Variants in SEMA3C observed in about 807,000 individuals in gnomAD.
SEMA3C encodes semaphorin-3C.
A neutral mutation model predicts 89.4 loss-of-function variants in SEMA3C; 47 were observed. The observed-to-expected ratio is 0.53, with a 90% CI of 0.42 to 0.67. The LOEUF (loss-of-function observed/expected upper bound fraction) is 0.67, where lower values mean the gene tolerates loss of function less well. Ranked by LOEUF, SEMA3C falls within the 30% of genes least tolerant of loss-of-function variation. The pLI, the probability that SEMA3C is intolerant of heterozygous loss-of-function variation, is 0.00. For synonymous variants in SEMA3C, 310 were observed against 320.2 expected (o/e 0.97, Z 0.34); for missense variants, 839 against 929.1 (o/e 0.90, Z 1.26).
At chr7:80,838,327 A>G (rs1433776130) in intron 2 of SEMA3C, among the ~76,000 whole-genome samples, 1 of 152,176 alleles carries the variant, frequency 6.6e-6, no homozygotes. Flanking sequence ...AACCAGAATA[A>G]TCTCTAATGT....
At chr7:80,855,296 T>G (rs1465495635) in intron 2 of SEMA3C, among the ~76,000 whole-genome samples, 1 of 152,048 alleles carries the variant, frequency 6.6e-6, no homozygotes, top group Non-Finnish European at 1.5e-5. Context: ...TTATTGTCAT[T>G]TTATTATTAT....
intron 2 of SEMA3C, among the ~76,000 whole-genome samples, chr7:80,851,427 C>T (rs983579543): frequency 1.5e-4 from 22 of 146,704 alleles, no homozygotes; most frequent in African/African-American, 5.4e-4. Context: ...TTGCTTGAAC[C>T]TGGGAAGCGG....
intron 5 of SEMA3C, among the ~76,000 whole-genome samples, chr7:80,813,349 G>A (rs1361457757): frequency 6.6e-6 from 1 of 152,072 alleles, no homozygotes; most frequent in African/African-American, 2.4e-5. Flanking sequence ...ATGTACAGTG[G>A]CCTTTCAAAG....
intron 11 of SEMA3C, chr7:80,793,440 C>T (rs1342716590): frequency 6.8e-6 from 3 of 441,416 alleles, no homozygotes; most frequent in Non-Finnish European, 9.0e-6. Flanking sequence ...CTTTGATGTG[C>T]CCAGTAGGGG....
intron 2 of SEMA3C, among the ~76,000 whole-genome samples, chr7:80,848,913 T>C (rs1052600320): frequency 1.3e-5 from 2 of 152,164 alleles, no homozygotes; most frequent in African/African-American, 4.8e-5. Flanking sequence ...AAATTCTTTT[T>C]CTCACTTTGG....
At chr7:80,807,793 T>C (rs1164943386) in intron 6 of SEMA3C, among the ~76,000 whole-genome samples, 1 of 152,174 alleles carries the variant, frequency 6.6e-6, no homozygotes, top group African/African-American at 2.4e-5. Context: ...TCTTAAGCAA[T>C]CTGTGCTTTT....
chr7:80,755,954 C>T (rs1450907554), intron 15 of SEMA3C, among the ~76,000 whole-genome samples: 1 of 152,086 alleles, frequency 6.6e-6, no homozygotes, highest in African/African-American at 2.4e-5. Flanking sequence ...CCCAAATTAA[C>T]ATGGAGGAAC....
chr7:80,751,834 G>C (rs1475457871), intron 15 of SEMA3C, among the ~76,000 whole-genome samples: 1 of 152,064 alleles, frequency 6.6e-6, no homozygotes, highest in Non-Finnish European at 1.5e-5. Flanking sequence ...GATAAAAATA[G>C]GGACATTTAA....
intron 2 of SEMA3C, among the ~76,000 whole-genome samples, chr7:80,891,311 A>G (rs1047489801): frequency 6.6e-6 from 1 of 152,026 alleles, no homozygotes; most frequent in Admixed American, 6.6e-5. Context: ...GTCCATCCTC[A>G]CTTTGCAAAA....
At chr7:80,771,218 A>G (rs1788425174) in intron 12 of SEMA3C, among the ~76,000 whole-genome samples, 1 of 152,212 alleles carries the variant, frequency 6.6e-6, no homozygotes, top group South Asian at 2.1e-4. Flanking sequence ...CGCTGAGTAC[A>G]CTTTTGACAC....
chr7:80,896,422 A>T (rs1433539921), intron 2 of SEMA3C, among the ~76,000 whole-genome samples: 1 of 152,218 alleles, frequency 6.6e-6, no homozygotes, highest in East Asian at 1.9e-4. Context: ...GCTAAGCCTT[A>T]GTCATAAACC....
intron 2 of SEMA3C, among the ~76,000 whole-genome samples, chr7:80,872,300 A>T (rs182134488): frequency 6.6e-6 from 1 of 151,714 alleles, no homozygotes; most frequent in East Asian, 2.0e-4. Context: ...ACAGGCACGC[A>T]CCACCGTGTC....
At chr7:80,779,057 T>G (rs1411439781) in intron 12 of SEMA3C, among the ~76,000 whole-genome samples, 1 of 152,296 alleles carries the variant, frequency 6.6e-6, no homozygotes, top group African/African-American at 2.4e-5. Flanking sequence ...TCCAGCACAG[T>G]GCTCTCTATA....
chr7:80,921,001 C>T (rs961365769), upstream of SEMA3C, among the ~76,000 whole-genome samples: 6 of 152,150 alleles, frequency 3.9e-5, no homozygotes, highest in Admixed American at 6.5e-5. Context: ...AGCAAATTCA[C>T]GTAAGATGGA....
intron 2 of SEMA3C, among the ~76,000 whole-genome samples, chr7:80,858,775 C>A (rs914470785): frequency 1.3e-5 from 2 of 152,066 alleles, no homozygotes; most frequent in African/African-American, 2.4e-5. Context: ...TCCTTTGTGA[C>A]CTTGGAGTGT....
Position 80,821,637 on chromosome 7 carries a change from A to G in SEMA3C, c.328-3219T>C, listed in dbSNP as rs569645497. On this transcript the variant is annotated intron_variant, in intron 4 of 17. Transcript: ENST00000265361. ...GGTTTCATCATGTTAGCCAGGATGC[A>G]CAGTTGTTTTTATAAGTTAATACTG... Among the ~76,000 whole-genome samples, 73 of 152,262 alleles carry G rather than the reference A, an allele frequency of 4.8e-4. 2 individuals carry two copies. The South Asian group carries it at 0.015, about 31-fold the overall frequency.
Position 80,761,658 on chromosome 7 carries a change from C to A in SEMA3C, c.1444-1G>T. 1.5e-6 allele frequency: 2 copies of A among 1,325,812 alleles called. No individual in the cohort carries two copies. The highest frequency in any genetic ancestry group is 2.6e-5 in the East Asian group (1 of 38,984). The allele number at this position is 1,325,812 out of a possible 1,614,324, so 82.1% of individuals were successfully genotyped here. ...TCATTGTTGTTATAGGAGCATGATT[C>A]TAAAATATTAGAAAACAACATGTTA... On this transcript the variant is annotated splice_acceptor_variant, in intron 13 of 17. Transcript: ENST00000265361. LOFTEE classifies it high-confidence loss of function.
chr7:80,776,039 A>G (rs957034324), intron 12 of SEMA3C, among the ~76,000 whole-genome samples: 6 of 152,146 alleles, frequency 3.9e-5, no homozygotes, highest in Non-Finnish European at 8.8e-5. Context: ...GCAGATCTAC[A>G]AAGATTACTT....
At chr7:80,793,439 G>A (rs1038426399) in intron 11 of SEMA3C, 4 of 441,748 alleles carry the variant, frequency 9.1e-6, no homozygotes, top group African/African-American at 8.1e-5. Flanking sequence ...ACTTTGATGT[G>A]CCCAGTAGGG....
Sources: allele counts gnomAD v4.1 joint callset (sites outside exome capture counted in the v4.1 genomes callset), GRCh38; gene constraint gnomAD v4.1.1; transcripts MANE v1.5; gene names NCBI Gene and HGNC (gene_info 2026-07-23, HGNC 2026-07-21).